TRAPPC9: variants seen among roughly 807,000 people sequenced by gnomAD.
TRAPPC9 encodes the protein IKK2 binding protein.
In TRAPPC9, 83 loss-of-function variants were observed where a neutral mutation model predicts 124.0. That is an observed-to-expected ratio of 0.67 (90% confidence interval 0.56 to 0.80). TRAPPC9 has a LOEUF of 0.80. Ranked by LOEUF, TRAPPC9 falls within the 30% of genes least tolerant of loss-of-function variation. The pLI, the probability that TRAPPC9 is intolerant of heterozygous loss-of-function variation, is 0.00. For synonymous variants in TRAPPC9, 638 were observed against 617.5 expected (o/e 1.03, Z -0.49); for missense variants, 1,302 against 1,508.3 (o/e 0.86, Z 2.27).
At chr8:140,089,973 G>A (rs907808426) in intron 17 of TRAPPC9, among the ~76,000 whole-genome samples, 22 of 152,220 alleles carry the variant, frequency 1.4e-4, no homozygotes, top group East Asian at 9.7e-4. Context: ...CCAGCTGCTC[G>A]GGAGGCTGAG....
chr8:139,938,409 C>T (rs1040750099), intron 19 of TRAPPC9, among the ~76,000 whole-genome samples: 38 of 152,008 alleles, frequency 2.5e-4, no homozygotes, highest in East Asian at 5.8e-4. Flanking sequence ...CTCAGCCTCC[C>T]GAGTAGCTGG....
intron 17 of TRAPPC9, chr8:140,039,794 C>T (rs1242561826): frequency 6.6e-6 from 1 of 152,210 alleles, no homozygotes; most frequent in African/African-American, 2.4e-5. Context: ...CTGTATGAGG[C>T]ACCTAATCAC....
intron 21 of TRAPPC9, among the ~76,000 whole-genome samples, chr8:139,842,775 T>G (rs1226671801): frequency 6.6e-6 from 1 of 152,206 alleles, no homozygotes; most frequent in East Asian, 1.9e-4. Context: ...ATTGTGCTTC[T>G]GGGAGGGCAT....
At chr8:140,342,153 G>A (rs1205228989) in intron 9 of TRAPPC9, among the ~76,000 whole-genome samples, 2 of 152,142 alleles carry the variant, frequency 1.3e-5, no homozygotes, top group African/African-American at 2.4e-5. Flanking sequence ...GCGGGCAAAC[G>A]GAAAGCAGGA....
intron 21 of TRAPPC9, among the ~76,000 whole-genome samples, chr8:139,747,487 G>GT: frequency 7.2e-6 from 1 of 139,306 alleles, no homozygotes; most frequent in East Asian, 2.2e-4. Flanking sequence ...AGAGCAGGTG[G>GT]GAGGTGTGCA....
At position 140,353,580 on chromosome 8, in the gene TRAPPC9, G is replaced by T. The variant is rs2067651072; in HGVS notation, c.1495+6470C>A. ...CCGCGAGTCTTTTTTATTTTCCACA[G>T]GAATTGGTGTCAGTAACTGTAAATT... is the stretch of plus-strand genomic sequence containing the variant. On this transcript the variant is annotated intron_variant, in intron 9 of 22. Coordinates refer to ENST00000438773, the MANE Select transcript of TRAPPC9 (RefSeq NM_001160372.4). The surrounding 1 kb of genome is among the most constrained non-coding windows in gnomAD (Gnocchi z 4.2). Among the ~76,000 whole-genome samples, 2 of 152,244 alleles carry T rather than the reference G, an allele frequency of 1.3e-5. No individual in the cohort carries two copies. Among genetic ancestry groups the T allele is most frequent in the South Asian group, 4.1e-4 (2 of 4,824 alleles).
chr8:140,254,170 A>T (rs577576113), intron 15 of TRAPPC9, among the ~76,000 whole-genome samples: 1 of 152,216 alleles, frequency 6.6e-6, no homozygotes, highest in Non-Finnish European at 1.5e-5. Flanking sequence ...CGGCCTCACC[A>T]CAAGTCCCCT....
At chr8:140,073,202 G>A (rs1281348145) in intron 17 of TRAPPC9, among the ~76,000 whole-genome samples, 1 of 152,192 alleles carries the variant, frequency 6.6e-6, no homozygotes, top group East Asian at 1.9e-4. Context: ...ATAACTCCTA[G>A]TATTTCCAAT....
chr8:140,047,138 T>G (rs921039896), intron 17 of TRAPPC9, among the ~76,000 whole-genome samples: 1 of 152,194 alleles, frequency 6.6e-6, no homozygotes, highest in Non-Finnish European at 1.5e-5. Flanking sequence ...CGGCACAGCC[T>G]CACAGCAGGC....
intron 18 of TRAPPC9, 34 bp downstream of exon 18, chr8:140,023,903 G>A (rs748356287): frequency 1.2e-6 from 2 of 1,613,774 alleles, no homozygotes; most frequent in South Asian, 1.1e-5. Flanking sequence ...TGAGACTCTA[G>A]AACAAGACGG....
chr8:140,109,327 G>A (rs1216170223), intron 17 of TRAPPC9, among the ~76,000 whole-genome samples: 2 of 152,110 alleles, frequency 1.3e-5, no homozygotes, highest in African/African-American at 4.8e-5. Flanking sequence ...CAGACAAACT[G>A]GGGCATAGGG....
At chr8:140,374,945 A>C (rs1015728786) in intron 7 of TRAPPC9, among the ~76,000 whole-genome samples, 2 of 152,248 alleles carry the variant, frequency 1.3e-5, no homozygotes, top group African/African-American at 2.4e-5. Flanking sequence ...CAAATGATAA[A>C]TACTACATTG....
intron 19 of TRAPPC9, among the ~76,000 whole-genome samples, chr8:139,983,883 T>A (rs1462236013): frequency 6.6e-6 from 1 of 152,136 alleles, no homozygotes; most frequent in Non-Finnish European, 1.5e-5. Context: ...GTGGCTTTGA[T>A]CAGCCACTCA....
At chr8:140,184,285 T>C (rs979644209) in intron 17 of TRAPPC9, among the ~76,000 whole-genome samples, 3 of 152,266 alleles carry the variant, frequency 2.0e-5, no homozygotes, top group Non-Finnish European at 4.4e-5. Flanking sequence ...TACTGTTCTT[T>C]GAAAAGCAAC....
chr8:139,971,804 C>CACACACATATATACACATATATAT (rs1836111897), intron 19 of TRAPPC9, among the ~76,000 whole-genome samples: 11 of 2,200 alleles, frequency 5.0e-3, no homozygotes, highest in Non-Finnish European at 0.014. Flanking sequence ...TATATATATA[C>CACACACATATATACACATATATAT]ATATATATAT....
At chr8:140,398,032 T>G (rs534509491) in intron 6 of TRAPPC9, among the ~76,000 whole-genome samples, 51 of 152,342 alleles carry the variant, frequency 3.3e-4, no homozygotes, top group Admixed American at 1.0e-3. Flanking sequence ...TCTCATAAGA[T>G]CTGATGGTTT....
chr8:140,434,825 C>A (rs1243478150), intron 4 of TRAPPC9, among the ~76,000 whole-genome samples: 16 of 152,072 alleles, frequency 1.1e-4, no homozygotes, highest in Non-Finnish European at 2.4e-4. Flanking sequence ...AAAAAATTAG[C>A]CATGTGTGGT....
At chr8:140,314,015 C>A (rs1399279766) in intron 9 of TRAPPC9, among the ~76,000 whole-genome samples, 1 of 152,166 alleles carries the variant, frequency 6.6e-6, no homozygotes, top group Admixed American at 6.5e-5. Context: ...GTTGCCAGAT[C>A]TATTATTTCA....
intron 2 of TRAPPC9, among the ~76,000 whole-genome samples, chr8:140,442,277 A>G (rs1481636058): frequency 6.6e-6 from 1 of 152,216 alleles, no homozygotes; most frequent in Non-Finnish European, 1.5e-5. Flanking sequence ...ATAATACAAT[A>G]AAACCATACA....
Sources: gnomAD v4.1 joint callset for allele counts (sites outside exome capture counted in the v4.1 genomes callset) on GRCh38, gnomAD v4.1.1 for gene constraint, Gnocchi (gnomAD v3.1) non-coding constraint, MANE v1.5 for transcripts, NCBI Gene and HGNC (gene_info 2026-07-23, HGNC 2026-07-21) for gene names.